MAF: variants seen among roughly 807,000 people sequenced by gnomAD.
MAF encodes the protein MAF bZIP transcription factor, also known as transcription factor Maf.
A neutral mutation model predicts 22.0 loss-of-function variants in MAF; 10 were observed. That is an observed-to-expected ratio of 0.45 (90% CI 0.28 to 0.77). MAF has a LOEUF of 0.77. Ranked by LOEUF, MAF falls within the 30% of genes least tolerant of loss-of-function variation. MAF has a pLI of 0.12. For synonymous variants in MAF, 337 were observed against 255.8 expected, an observed-to-expected ratio of 1.32 and a Z score of -3.03; for missense variants, 544 against 548.4, an observed-to-expected ratio of 0.99 and a Z score of 0.08.
chr16:79,256,544 G>C, the MAF span, among the ~76,000 whole-genome samples: 1 of 152,182 alleles, frequency 6.6e-6, no homozygotes, highest in Admixed American at 6.5e-5. Context: ...CACAGACAAG[G>C]ACACACCAGG....
At chr16:79,234,014 G>C in the MAF span, among the ~76,000 whole-genome samples, 1 of 150,350 alleles carries the variant, frequency 6.7e-6, no homozygotes, top group South Asian at 2.1e-4. Context: ...AAGAGAGTAA[G>C]TGTATAGAAT....
At chr16:79,569,885 A>G in the MAF span, among the ~76,000 whole-genome samples, 2 of 152,170 alleles carry the variant, frequency 1.3e-5, no homozygotes, top group Non-Finnish European at 2.9e-5. Context: ...TTAAATACAA[A>G]CAATTGACGT....
At chr16:79,338,473 C>T in the MAF span, among the ~76,000 whole-genome samples, 14 of 152,158 alleles carry the variant, frequency 9.2e-5, no homozygotes, top group Admixed American at 8.5e-4. Context: ...AAGGCTTCAG[C>T]AACAATCTAC....
chr16:79,256,129 A>C, the MAF span, among the ~76,000 whole-genome samples: 4 of 150,710 alleles, frequency 2.7e-5, no homozygotes, highest in East Asian at 5.8e-4. Flanking sequence ...CTACAGGCAC[A>C]TGCCACGACG....
At chr16:79,418,586 C>G in the MAF span, among the ~76,000 whole-genome samples, 1 of 152,072 alleles carries the variant, frequency 6.6e-6, no homozygotes, top group Non-Finnish European at 1.5e-5. Context: ...TGGGGAAGGG[C>G]GGGAGGCGTG....
At chr16:79,423,109 G>A in the MAF span, among the ~76,000 whole-genome samples, 14 of 152,148 alleles carry the variant, frequency 9.2e-5, no homozygotes, top group African/African-American at 3.4e-4. Context: ...AATACAGGGC[G>A]TTCAGTTAAG....
At chr16:79,515,789 G>C in the MAF span, among the ~76,000 whole-genome samples, 15 of 152,152 alleles carry the variant, frequency 9.9e-5, no homozygotes, top group South Asian at 2.9e-3. Context: ...CCAGGAAGGA[G>C]GTCTGAGATC....
the MAF span, among the ~76,000 whole-genome samples, chr16:79,390,841 T>C: frequency 1.3e-5 from 2 of 152,210 alleles, no homozygotes; most frequent in Non-Finnish European, 2.9e-5. Flanking sequence ...CGTGGGGTCT[T>C]TTCTGCTAGG....
At chr16:79,231,777 C>T in the MAF span, among the ~76,000 whole-genome samples, 1 of 152,066 alleles carries the variant, frequency 6.6e-6, no homozygotes, top group Non-Finnish European at 1.5e-5. Flanking sequence ...ATGATTTAAG[C>T]ACGTTACATT....
the MAF span, among the ~76,000 whole-genome samples, chr16:79,233,372 C>A: frequency 1.3e-5 from 2 of 152,058 alleles, no homozygotes; most frequent in Admixed American, 6.6e-5. Context: ...TCATCCAGGG[C>A]CCCTTGTGCA....
At chr16:79,218,465 C>T in the MAF span, among the ~76,000 whole-genome samples, 4 of 152,216 alleles carry the variant, frequency 2.6e-5, no homozygotes, top group South Asian at 4.1e-4. Context: ...GAGCGTAGAA[C>T]TGGAGTTCCT....
the MAF span, among the ~76,000 whole-genome samples, chr16:79,399,792 T>G: frequency 6.6e-6 from 1 of 152,172 alleles, no homozygotes; most frequent in Non-Finnish European, 1.5e-5. Context: ...AGGGTGAAGA[T>G]TCGTCCCAGC....
the MAF span, among the ~76,000 whole-genome samples, chr16:79,246,406 T>A: frequency 1.9e-3 from 283 of 152,190 alleles, 3 homozygotes; most frequent in African/African-American, 6.4e-3. Flanking sequence ...ACCATCTGGC[T>A]ATCTTTCTTA....
chr16:79,361,760 C>A, the MAF span, among the ~76,000 whole-genome samples: 3 of 152,014 alleles, frequency 2.0e-5, no homozygotes, highest in Non-Finnish European at 4.4e-5. Flanking sequence ...CTGAATCCCC[C>A]ACAAGCTGAC....
At chr16:79,432,137 C>T in the MAF span, among the ~76,000 whole-genome samples, 5 of 152,282 alleles carry the variant, frequency 3.3e-5, no homozygotes, top group East Asian at 9.6e-4. Context: ...TTCCCCCATG[C>T]TGTTCCACTG....
At chr16:79,575,941 C>T in the MAF span, among the ~76,000 whole-genome samples, 519 of 152,150 alleles carry the variant, frequency 3.4e-3, 2 homozygotes, top group African/African-American at 0.012. Flanking sequence ...GGATTTTCTA[C>T]AAGAACAGAG....
At chr16:79,496,854 C>A in the MAF span, among the ~76,000 whole-genome samples, 1 of 152,158 alleles carries the variant, frequency 6.6e-6, no homozygotes, top group Non-Finnish European at 1.5e-5. Context: ...AGAATCTGAT[C>A]ATCCAATCAT....
Position 79,598,770 on chromosome 16 carries a change from G to A in MAF, c.1118+15C>T, listed in dbSNP as rs779817513. 5 of 1,613,776 alleles carry A rather than the reference G, an allele frequency of 3.1e-6. No individual in the cohort carries two copies. The highest frequency in any genetic ancestry group is 4.2e-6 in the Non-Finnish European group (5 of 1,179,978). On this transcript the variant is annotated intron_variant, in intron 1 of 1. Transcript: ENST00000326043. ...CTTATCAGGGTGGCTAGCTGGAATC[G>A]CGTGTCAGACTCACATGAAAAACTC...
the MAF span, among the ~76,000 whole-genome samples, chr16:79,495,031 C>A: frequency 3.3e-5 from 5 of 152,166 alleles, no homozygotes; most frequent in Admixed American, 1.3e-4. Flanking sequence ...ATTTTCCTCT[C>A]CAGGCGTGTC....
Sources: allele counts gnomAD v4.1 joint callset (sites outside exome capture counted in the v4.1 genomes callset), GRCh38; gene constraint gnomAD v4.1.1; transcripts MANE v1.5; gene names NCBI Gene and HGNC (gene_info 2026-07-23, HGNC 2026-07-21).